CSMD3: variants seen among roughly 807,000 people sequenced by gnomAD.
The protein encoded by CSMD3 is CUB and Sushi multiple domains 3.
Under a neutral mutation model 435.2 loss-of-function variants are expected in CSMD3, and 177 were observed. That is an observed-to-expected ratio of 0.41 (90% CI 0.36 to 0.46). CSMD3 has a LOEUF of 0.46. Ranked by LOEUF, CSMD3 falls within the 20% of genes least tolerant of loss-of-function variation. The probability of loss-of-function intolerance (pLI) is 0.34; values close to 1 mark genes in which losing one functional copy is unlikely to be tolerated. For missense variants in CSMD3, 4,265 were observed against 4,504.6 expected, an observed-to-expected ratio of 0.95 and a Z score of 1.52; for synonymous variants, 1,656 against 1,520.5, an observed-to-expected ratio of 1.09 and a Z score of -2.07.
intron 22 of CSMD3, among the ~76,000 whole-genome samples, chr8:112,599,076 A>AC (rs1832054027): frequency 6.7e-6 from 1 of 148,966 alleles, no homozygotes. Context: ...ATCAGAGTGA[A>AC]CAGGCAACCT....
chr8:112,356,176 G>C (rs1014926991), intron 38 of CSMD3, among the ~76,000 whole-genome samples: 1 of 152,120 alleles, frequency 6.6e-6, no homozygotes, highest in African/African-American at 2.4e-5. Flanking sequence ...TCTCATTACT[G>C]GGTGTAGAAT....
chr8:112,674,349 C>T (rs1485428762), intron 16 of CSMD3, among the ~76,000 whole-genome samples: 2 of 152,012 alleles, frequency 1.3e-5, no homozygotes, highest in Non-Finnish European at 2.9e-5. Flanking sequence ...TCCTTGCAAA[C>T]CTTTGTCTGG....
chr8:112,260,517 T>C (rs79004392), intron 61 of CSMD3, among the ~76,000 whole-genome samples: 1,661 of 152,288 alleles, frequency 0.011, 35 homozygotes, highest in African/African-American at 0.038. Flanking sequence ...TTTATTACTA[T>C]TTGTATTTCA....
chr8:113,360,328 A>G (rs1284339967), intron 1 of CSMD3, among the ~76,000 whole-genome samples: 2 of 152,070 alleles, frequency 1.3e-5, no homozygotes, highest in Admixed American at 6.5e-5. Flanking sequence ...CTATAACACT[A>G]TATTTTATCA....
At chr8:113,202,884 A>G (rs1354328201) in intron 3 of CSMD3, among the ~76,000 whole-genome samples, 2 of 152,154 alleles carry the variant, frequency 1.3e-5, no homozygotes, top group African/African-American at 4.8e-5. Context: ...TTTCAAAATC[A>G]ATACATTTTT....
chr8:113,210,707 G>A (rs189416080), intron 3 of CSMD3, among the ~76,000 whole-genome samples: 66 of 151,812 alleles, frequency 4.3e-4, no homozygotes, highest in South Asian at 2.9e-3. Context: ...GTGAAACCCC[G>A]TCCCTACTGA....
chr8:112,486,528 A>G (rs1423447501), intron 31 of CSMD3, among the ~76,000 whole-genome samples: 2 of 152,158 alleles, frequency 1.3e-5, no homozygotes, highest in East Asian at 3.9e-4. Flanking sequence ...TCTGTCAACA[A>G]TCCTCCTCCT....
intron 3 of CSMD3, among the ~76,000 whole-genome samples, chr8:113,277,898 T>C (rs143375946): frequency 1.4e-5 from 2 of 146,026 alleles, no homozygotes; most frequent in East Asian, 2.0e-4. Flanking sequence ...GCAAAACATG[T>C]AGATTCTGTG....
At chr8:112,842,736 G>A (rs957540710) in intron 11 of CSMD3, among the ~76,000 whole-genome samples, 1 of 151,676 alleles carries the variant, frequency 6.6e-6, no homozygotes, top group African/African-American at 2.4e-5. Context: ...TTGTGTATTA[G>A]TATATGAGGA....
intron 38 of CSMD3, among the ~76,000 whole-genome samples, chr8:112,379,010 G>A (rs895466804): frequency 6.6e-6 from 1 of 151,558 alleles, no homozygotes; most frequent in African/African-American, 2.4e-5. Context: ...AAAGTTGCAA[G>A]ATACAAAATT....
chr8:112,262,297 A>C (rs150697493), intron 61 of CSMD3, among the ~76,000 whole-genome samples: 3 of 152,172 alleles, frequency 2.0e-5, no homozygotes, highest in Non-Finnish European at 4.4e-5. Context: ...TGTTCTCCAT[A>C]ACATTGTTTT....
intron 22 of CSMD3, among the ~76,000 whole-genome samples, chr8:112,600,449 G>T (rs979890292): frequency 1.3e-5 from 2 of 151,996 alleles, no homozygotes; most frequent in East Asian, 1.9e-4. Context: ...TAACGCAACC[G>T]ATAAGAATGG....
chr8:112,323,549 G>A (rs565563749), intron 45 of CSMD3, among the ~76,000 whole-genome samples: 1 of 152,180 alleles, frequency 6.6e-6, no homozygotes, highest in South Asian at 2.1e-4. Context: ...AAGAGACACA[G>A]AGATGATCAC....
At chr8:112,401,436 T>G (rs530123787) in intron 35 of CSMD3, among the ~76,000 whole-genome samples, 1 of 152,234 alleles carries the variant, frequency 6.6e-6, no homozygotes. Context: ...TTCATGGATA[T>G]AAGAATATTT....
intron 3 of CSMD3, among the ~76,000 whole-genome samples, chr8:113,183,585 CT>C (rs2092454809): frequency 6.6e-6 from 1 of 151,902 alleles, no homozygotes; most frequent in South Asian, 2.1e-4. Context: ...TCTGATAAAC[CT>C]TCTTATCCCC....
chr8:112,653,248 A>G (rs2075173577), intron 18 of CSMD3, among the ~76,000 whole-genome samples: 1 of 152,152 alleles, frequency 6.6e-6, no homozygotes. Flanking sequence ...AAAAAGTAGA[A>G]ATTCAAAATG....
At chr8:112,396,848 G>A (rs967087155) in intron 35 of CSMD3, among the ~76,000 whole-genome samples, 4 of 152,096 alleles carry the variant, frequency 2.6e-5, no homozygotes, top group Non-Finnish European at 5.9e-5. Context: ...ACGGTTGATG[G>A]GTGGCAGAAA....
chr8:113,260,364 A>G (rs895360777), intron 3 of CSMD3, among the ~76,000 whole-genome samples: 1 of 152,086 alleles, frequency 6.6e-6, no homozygotes, highest in African/African-American at 2.4e-5. Context: ...TCATGTTCAA[A>G]CCTTCATAAA....
At chr8:112,417,213 G>C (rs548376205) in intron 32 of CSMD3, among the ~76,000 whole-genome samples, 2 of 152,020 alleles carry the variant, frequency 1.3e-5, no homozygotes, top group African/African-American at 2.4e-5. Flanking sequence ...GTGATATTAA[G>C]GTATTTCATA....
Sources: gnomAD v4.1 joint callset for allele counts (sites outside exome capture counted in the v4.1 genomes callset) on GRCh38, gnomAD v4.1.1 for gene constraint, MANE v1.5 for transcripts, NCBI Gene and HGNC (gene_info 2026-07-23, HGNC 2026-07-21) for gene names.